DENND1A: variants seen among roughly 807,000 people sequenced by gnomAD.
The protein encoded by DENND1A is DENN domain containing 1A, also known as DENN domain-containing protein 1A.
DENND1A carries 51 observed loss-of-function variants against 113.7 expected under a neutral mutation model. That is an observed-to-expected ratio of 0.45 (90% confidence interval 0.36 to 0.57). The LOEUF (loss-of-function observed/expected upper bound fraction) is 0.57, where lower values mean the gene tolerates loss of function less well. Ranked by LOEUF, DENND1A falls within the 20% of genes least tolerant of loss-of-function variation. DENND1A has a pLI of 0.00. For missense variants in DENND1A, 1,258 were observed against 1,395.9 expected (o/e 0.90, Z 1.57); for synonymous variants, 565 against 570.8 (o/e 0.99, Z 0.14).
chr9:123,660,735 G>A (rs981660070), intron 8 of DENND1A, among the ~76,000 whole-genome samples: 4 of 152,156 alleles, frequency 2.6e-5, no homozygotes, highest in South Asian at 2.1e-4. Context: ...CCCAGAAAAA[G>A]TCAAAGTAAA....
intron 1 of DENND1A, among the ~76,000 whole-genome samples, chr9:123,923,439 G>A (rs1856618184): frequency 2.0e-5 from 3 of 152,172 alleles, no homozygotes; most frequent in South Asian, 2.1e-4. Flanking sequence ...AGGGAAGAGG[G>A]GAATAGGCAT....
intron 19 of DENND1A, among the ~76,000 whole-genome samples, chr9:123,429,272 G>A (rs887280673): frequency 1.4e-4 from 22 of 152,094 alleles, no homozygotes; most frequent in Non-Finnish European, 1.9e-4. Flanking sequence ...ACAAGCAATA[G>A]GGGCCAGGTG....
rs926570232 is a variant in DENND1A, at chr9:123,575,482, T to C, written c.867+7687A>G. On this transcript the variant is annotated intron_variant, in intron 12 of 23. Coordinates refer to ENST00000394215, the MANE Select transcript of DENND1A (RefSeq NM_001352964.2). ...AATTTCTCAGAAGTCTCTGCATGAT[T>C]AGAGTGGATTTTTGGAAAGAATACC... 2.6e-5 allele frequency among the ~76,000 whole-genome samples: 4 copies of C among 152,214 alleles called. No individual in the cohort carries two copies. In the East Asian group the frequency reaches 5.8e-4, roughly 22 times the overall value.
intron 5 of DENND1A, among the ~76,000 whole-genome samples, chr9:123,706,158 T>C (rs1259622138): frequency 6.6e-6 from 1 of 150,940 alleles, no homozygotes; most frequent in Non-Finnish European, 1.5e-5. Flanking sequence ...TTTTTTTTTT[T>C]TTTGAGACGG....
intron 12 of DENND1A, among the ~76,000 whole-genome samples, chr9:123,562,003 C>T (rs971869221): frequency 7.9e-5 from 12 of 152,166 alleles, no homozygotes; most frequent in East Asian, 1.9e-4. Context: ...ACTAGTGGAG[C>T]GGTTTCCTCA....
intron 5 of DENND1A, among the ~76,000 whole-genome samples, chr9:123,750,008 G>C (rs898101189): frequency 6.6e-6 from 1 of 152,220 alleles, no homozygotes; most frequent in African/African-American, 2.4e-5. Flanking sequence ...GGCTGTGCCA[G>C]GCTGGTGTCC....
chr9:123,538,082 T>C (rs933515487), intron 13 of DENND1A, among the ~76,000 whole-genome samples: 3 of 152,188 alleles, frequency 2.0e-5, no homozygotes, highest in East Asian at 1.9e-4. Flanking sequence ...GGAAAGAACA[T>C]ACCAAAAAAT....
rs138160236 is a variant in DENND1A, at chr9:123,478,330, G to A, written c.994-20433C>T. On this transcript the variant is annotated intron_variant, in intron 13 of 23. Coordinates refer to ENST00000394215, the MANE Select transcript of DENND1A (RefSeq NM_001352964.2). ...CGTCCAGGGCATAGGGCCGAAGTCT[G>A]TGCCTGGGGGCACCATGGTAGCTGT... Among the ~76,000 whole-genome samples the A allele has an allele frequency of 3.2e-3, 494 of 152,366 alleles. 1 individual carries two copies. Among genetic ancestry groups the A allele is most frequent in the African/African-American group, 0.011 (453 of 41,580 alleles).
intron 13 of DENND1A, among the ~76,000 whole-genome samples, chr9:123,525,212 A>T (rs1185318919): frequency 6.6e-6 from 1 of 152,208 alleles, no homozygotes; most frequent in Non-Finnish European, 1.5e-5. Context: ...ATTTCTATGG[A>T]AAGGCTGCAT....
At chr9:123,480,703 C>T (rs2050263795) in intron 13 of DENND1A, among the ~76,000 whole-genome samples, 1 of 152,130 alleles carries the variant, frequency 6.6e-6, no homozygotes, top group African/African-American at 2.4e-5. Context: ...GCCAGCCTCC[C>T]CCTTGAGGAT....
chr9:123,891,187 C>G (rs1849846838), intron 1 of DENND1A, among the ~76,000 whole-genome samples: 1 of 152,186 alleles, frequency 6.6e-6, no homozygotes, highest in Non-Finnish European at 1.5e-5. Context: ...TTCCCCATGT[C>G]TCCCAGAAGC....
chr9:123,762,754 A>G (rs1441454738), intron 4 of DENND1A, among the ~76,000 whole-genome samples: 1 of 152,254 alleles, frequency 6.6e-6, no homozygotes, highest in African/African-American at 2.4e-5. Flanking sequence ...AGAAACGAAG[A>G]TAGAGGAAAA....
intron 13 of DENND1A, among the ~76,000 whole-genome samples, chr9:123,479,325 T>A (rs758364848): frequency 9.2e-5 from 14 of 152,198 alleles, no homozygotes; most frequent in Non-Finnish European, 1.8e-4. Flanking sequence ...GAAACTGACA[T>A]CCCAGGATCA....
Position 123,588,639 on chromosome 9 carries a change from G to T in DENND1A, c.766-5369C>A, listed in dbSNP as rs907680948. ...CCATCTCAAAAAAAAAAAAAGGGGG[G>T]GGGGGAAGAGAAAAGTTTAAAGAAG... On this transcript the variant is annotated intron_variant, in intron 11 of 23. Transcript: ENST00000394215. Among the ~76,000 whole-genome samples the T allele has an allele frequency of 1.0e-3, 133 of 132,706 alleles. 3 individuals are homozygous for T. The highest frequency in any genetic ancestry group is 3.4e-3 in the African/African-American group (126 of 36,930). The allele number at this position is 132,706 out of a possible 152,430, so 87.1% of individuals were successfully genotyped here.
At chr9:123,581,039 G>C (rs993664315) in intron 12 of DENND1A, among the ~76,000 whole-genome samples, 1 of 151,896 alleles carries the variant, frequency 6.6e-6, no homozygotes, top group Non-Finnish European at 1.5e-5. Context: ...TGTCATTCAG[G>C]ATGAATGACA....
Position 123,457,915 on chromosome 9 carries a change from G to A in DENND1A, c.994-18C>T, listed in dbSNP as rs749907450. 2.5e-5 allele frequency: 40 copies of A among 1,594,156 alleles called. No homozygotes were observed. In the African/African-American group the frequency reaches 4.2e-4, roughly 17 times the overall value. On this transcript the variant is annotated intron_variant, in intron 13 of 23. Transcript: ENST00000394215. ...GGCTCCTCCTGGGAAGTGCAGAGGG[G>A]AGAGGTGGGTCAGTGGCACGGAGCA...
At chr9:123,581,696 C>T (rs2136687888) in intron 12 of DENND1A, among the ~76,000 whole-genome samples, 1 of 152,266 alleles carries the variant, frequency 6.6e-6, no homozygotes. Context: ...GAACAGCTAC[C>T]CACAGGGTGC....
intron 21 of DENND1A, among the ~76,000 whole-genome samples, chr9:123,389,328 T>TA (rs1271722376): frequency 6.6e-6 from 1 of 152,248 alleles, no homozygotes; most frequent in African/African-American, 2.4e-5. Context: ...AGCCCAGGGT[T>TA]ACACAACAGG....
intron 13 of DENND1A, among the ~76,000 whole-genome samples, chr9:123,504,690 C>T (rs2772207): frequency 0.57 from 86,205 of 151,986 alleles, 26,779 homozygotes; most frequent in East Asian, 0.71. Flanking sequence ...ATTTTAAAGA[C>T]GAAGAAACTG....
Sources: allele counts gnomAD v4.1 joint callset (sites outside exome capture counted in the v4.1 genomes callset), GRCh38; gene constraint gnomAD v4.1.1; transcripts MANE v1.5; gene names NCBI Gene and HGNC (gene_info 2026-07-23, HGNC 2026-07-21).